Variants in SCN8A observed in about 807,000 individuals in gnomAD.
SCN8A encodes sodium voltage-gated channel alpha subunit 8.
SCN8A carries 30 observed loss-of-function variants against 184.1 expected under a neutral mutation model. The observed-to-expected ratio is 0.16, with a 90% CI of 0.12 to 0.22. The LOEUF (loss-of-function observed/expected upper bound fraction) is 0.22. Ranked by LOEUF, SCN8A falls within the 10% of genes least tolerant of loss-of-function variation. The probability of loss-of-function intolerance (pLI) is 1.00; values close to 1 mark genes in which losing one functional copy is unlikely to be tolerated. For synonymous variants in SCN8A, 852 were observed against 907.0 expected (o/e 0.94, Z 1.09); for missense variants, 1,057 against 2,498.9 (o/e 0.42, Z 12.30).
intron 1 of SCN8A, among the ~76,000 whole-genome samples, chr12:51,602,331 A>T (rs756333247): frequency 2.0e-5 from 3 of 152,222 alleles, no homozygotes; most frequent in Non-Finnish European, 2.9e-5. Flanking sequence ...AAAGGTAAAA[A>T]TTTGAGTAAG....
chr12:51,636,935 A>G (rs930093343), intron 1 of SCN8A, among the ~76,000 whole-genome samples: 2 of 152,224 alleles, frequency 1.3e-5, no homozygotes, highest in African/African-American at 4.8e-5. Flanking sequence ...TTTTTTTACA[A>G]ATTGTAAGTT....
At chr12:51,771,358 AT>A (rs1442032924) in intron 19 of SCN8A, among the ~76,000 whole-genome samples, 14 of 152,286 alleles carry the variant, frequency 9.2e-5, no homozygotes, top group Non-Finnish European at 1.6e-4. Context: ...AAGGTGAAGA[AT>A]GCATAATGTT....
intron 12 of SCN8A, among the ~76,000 whole-genome samples, chr12:51,739,402 T>C (rs891823512): frequency 7.9e-5 from 12 of 152,038 alleles, no homozygotes; most frequent in African/African-American, 2.9e-4. Context: ...AAAAGAAAGA[T>C]CCGGGGGGTC....
chr12:51,720,008 G>A (rs866628168), intron 11 of SCN8A, among the ~76,000 whole-genome samples: 47 of 150,654 alleles, frequency 3.1e-4, no homozygotes, highest in Middle Eastern at 6.8e-3. Flanking sequence ...CCTGGCAGGC[G>A]GAGCTTGCAG....
At chr12:51,797,340 G>A (rs968002390) in intron 26 of SCN8A, among the ~76,000 whole-genome samples, 2 of 152,120 alleles carry the variant, frequency 1.3e-5, no homozygotes, top group Admixed American at 6.6e-5. Context: ...AAAGGAAAAA[G>A]AAAAGAACTA....
chr12:51,682,791 A>C (rs1041249498), intron 2 of SCN8A, among the ~76,000 whole-genome samples: 2 of 152,120 alleles, frequency 1.3e-5, no homozygotes, highest in Non-Finnish European at 2.9e-5. Context: ...AGGAACTTGC[A>C]GTCTAGTAGG....
intron 9 of SCN8A, among the ~76,000 whole-genome samples, chr12:51,704,410 C>T (rs1454488112): frequency 6.6e-6 from 1 of 151,938 alleles, no homozygotes; most frequent in African/African-American, 2.4e-5. Context: ...TGGCTCATGC[C>T]TGTAATCCCA....
intron 6 of SCN8A, among the ~76,000 whole-genome samples, chr12:51,695,215 C>T (rs549472162): frequency 4.6e-5 from 7 of 152,142 alleles, no homozygotes; most frequent in Non-Finnish European, 1.0e-4. Flanking sequence ...TTATCTGACC[C>T]TCTGTGAAGT....
chr12:51,720,174 T>A (rs1050680801), intron 11 of SCN8A, among the ~76,000 whole-genome samples: 12 of 151,120 alleles, frequency 7.9e-5, no homozygotes, highest in African/African-American at 2.9e-4. Context: ...TGCCGGATAT[T>A]ATATAACTTA....
intron 1 of SCN8A, among the ~76,000 whole-genome samples, chr12:51,608,022 T>A (rs1171413387): frequency 1.5e-5 from 2 of 131,530 alleles, no homozygotes; most frequent in South Asian, 2.4e-4. Flanking sequence ...TTCTTTTTCC[T>A]TTTTTTTTTT....
At chr12:51,723,941 G>A (rs1296402857) in intron 12 of SCN8A, among the ~76,000 whole-genome samples, 7 of 152,044 alleles carry the variant, frequency 4.6e-5, no homozygotes, top group African/African-American at 1.7e-4. Flanking sequence ...GTTCCTTTGG[G>A]TCTTACAGCT....
chr12:51,803,347 G>A (rs1176242250), intron 26 of SCN8A, among the ~76,000 whole-genome samples: 2 of 152,018 alleles, frequency 1.3e-5, no homozygotes, highest in African/African-American at 4.8e-5. Context: ...TTTTCTAGCC[G>A]AGTTGGCAGC....
At chr12:51,625,772 G>A (rs1940064635) in intron 1 of SCN8A, among the ~76,000 whole-genome samples, 1 of 152,194 alleles carries the variant, frequency 6.6e-6, no homozygotes, top group South Asian at 2.1e-4. Context: ...AGTGGTAGAA[G>A]TTTTTAAAGG....
At position 51,701,028 on chromosome 12, in the gene SCN8A, G is replaced by A. The variant is rs997419123; in HGVS notation, c.929-116G>A. ...ATCAGCTGTCACAGCTGTTGGAAAAGATTTATGAGCTAAAGTCAATAACTT... is the reference window on the plus strand; with the variant it reads ...ATCAGCTGTCACAGCTGTTGGAAAAAATTTATGAGCTAAAGTCAATAACTT... On this transcript the variant is annotated intron_variant, in intron 7 of 26. Coordinates refer to ENST00000627620, the MANE Select transcript of SCN8A (RefSeq NM_001330260.2). The A allele has an allele frequency of 1.5e-5, 9 of 604,762 alleles. No homozygotes were observed. In the African/African-American group the frequency reaches 1.7e-4, roughly 11 times the overall value. 37.5% of individuals were successfully genotyped at this position (604,762 alleles called of 1,614,324 possible).
intron 1 of SCN8A, among the ~76,000 whole-genome samples, chr12:51,611,243 G>A (rs1041141006): frequency 5.3e-5 from 8 of 150,034 alleles, no homozygotes; most frequent in Non-Finnish European, 7.4e-5. Flanking sequence ...GCTGGAGCAA[G>A]CTCCGCCTCC....
intron 1 of SCN8A, among the ~76,000 whole-genome samples, chr12:51,641,715 C>G (rs187034007): frequency 6.6e-6 from 1 of 152,172 alleles, no homozygotes; most frequent in Non-Finnish European, 1.5e-5. Context: ...ATCCACTGTG[C>G]GGAAAGGCAG....
intron 20 of SCN8A, among the ~76,000 whole-genome samples, chr12:51,780,444 G>GTCGTT (rs1313037724): frequency 1.3e-5 from 2 of 151,560 alleles, no homozygotes; most frequent in Non-Finnish European, 2.9e-5. Flanking sequence ...TTCCTTCCAG[G>GTCGTT]TCATTTGAGT....
chr12:51,780,255 G>A (rs539921516), intron 20 of SCN8A: 393 of 456,412 alleles, frequency 8.6e-4, no homozygotes, highest in Middle Eastern at 1.7e-3. Flanking sequence ...GACCTGCAGA[G>A]ACTGTAAAGG....
intron 1 of SCN8A, among the ~76,000 whole-genome samples, chr12:51,611,746 T>G (rs542199717): frequency 2.2e-4 from 34 of 152,150 alleles, no homozygotes; most frequent in Non-Finnish European, 2.9e-5. Flanking sequence ...CCACCCACCC[T>G]GGCCTCCCAA....
Sources: allele counts gnomAD v4.1 joint callset (sites outside exome capture counted in the v4.1 genomes callset), GRCh38; gene constraint gnomAD v4.1.1; transcripts MANE v1.5; gene names NCBI Gene and HGNC (gene_info 2026-07-23, HGNC 2026-07-21).